NHSL3: variants seen among roughly 807,000 people sequenced by gnomAD.
NHSL3 encodes the protein NHS like 3.
the NHSL3 span, among the ~76,000 whole-genome samples, chr1:32,745,853 C>T: frequency 2.6e-5 from 4 of 151,906 alleles, no homozygotes; most frequent in East Asian, 3.9e-4. Context: ...GAAAACAGCC[C>T]ATGATGATGA....
At chr1:32,771,058 T>G in the NHSL3 span, 1 of 1,611,948 alleles carries the variant, frequency 6.2e-7, no homozygotes, top group Non-Finnish European at 8.5e-7. Context: ...GGCCTCCGTC[T>G]CCTCTTCCCT....
At chr1:32,753,958 T>G in the NHSL3 span, 6 of 308,742 alleles carry the variant, frequency 1.9e-5, no homozygotes, top group Non-Finnish European at 3.7e-5. Flanking sequence ...CTCGGGGGCG[T>G]GGTCGAGCTG....
the NHSL3 span, among the ~76,000 whole-genome samples, chr1:32,756,501 TA>T: frequency 1.8e-5 from 1 of 56,598 alleles, no homozygotes; most frequent in South Asian, 5.9e-4. Context: ...CTACAAGAAA[TA>T]AAACAGTATC....
the NHSL3 span, chr1:32,767,969 C>T: frequency 6.2e-7 from 1 of 1,612,072 alleles, no homozygotes; most frequent in Non-Finnish European, 8.5e-7. Context: ...TAAGCTTCCT[C>T]TCCACTCCCC....
chr1:32,769,728 T>G, the NHSL3 span: 3 of 1,613,674 alleles, frequency 1.9e-6, no homozygotes, highest in South Asian at 1.1e-5. Flanking sequence ...CAGGGCGGCG[T>G]CGGCGGGAGC....
the NHSL3 span, among the ~76,000 whole-genome samples, chr1:32,749,356 C>T: frequency 6.6e-6 from 1 of 152,160 alleles, no homozygotes; most frequent in Non-Finnish European, 1.5e-5. Context: ...ACTCTTCCCT[C>T]TGCCCTGGCC....
the NHSL3 span, among the ~76,000 whole-genome samples, chr1:32,755,851 GTC>G: frequency 6.6e-6 from 1 of 152,180 alleles, no homozygotes; most frequent in African/African-American, 2.4e-5. Flanking sequence ...GTGCCTACCT[GTC>G]TCTCCTAGAA....
At chr1:32,756,482 C>CA in the NHSL3 span, among the ~76,000 whole-genome samples, 1 of 115,356 alleles carries the variant, frequency 8.7e-6, no homozygotes, top group Non-Finnish European at 1.9e-5. Flanking sequence ...CCCCCCCCCC[C>CA]GCCCATTTCT....
At chr1:32,752,972 G>GC in the NHSL3 span, among the ~76,000 whole-genome samples, 2 of 85,420 alleles carry the variant, frequency 2.3e-5, no homozygotes, top group Admixed American at 2.6e-4. Context: ...TATATATTTT[G>GC]GTTTTTTTTT....
the NHSL3 span, chr1:32,767,856 A>T: frequency 6.2e-6 from 10 of 1,613,814 alleles, no homozygotes; most frequent in Admixed American, 1.0e-4. Context: ...TCTGCAGTGG[A>T]TGAGCACCAG....
the NHSL3 span, among the ~76,000 whole-genome samples, chr1:32,755,094 G>A: frequency 6.6e-6 from 1 of 152,192 alleles, no homozygotes; most frequent in African/African-American, 2.4e-5. Flanking sequence ...CCAATCCCAA[G>A]AGATGGGATT....
chr1:32,755,369 C>G, the NHSL3 span, among the ~76,000 whole-genome samples: 4 of 152,166 alleles, frequency 2.6e-5, no homozygotes, highest in Non-Finnish European at 5.9e-5. Flanking sequence ...GGTGTATTCC[C>G]AGGATGGCCC....
the NHSL3 span, among the ~76,000 whole-genome samples, chr1:32,764,017 G>A: frequency 2.0e-5 from 3 of 152,042 alleles, no homozygotes; most frequent in East Asian, 1.9e-4. Flanking sequence ...GAGTCACCAC[G>A]CCTGGGTAAT....
the NHSL3 span, chr1:32,773,050 C>T: frequency 1.5e-6 from 1 of 681,412 alleles, no homozygotes; most frequent in Non-Finnish European, 2.6e-6. Context: ...CCTGGTGTTG[C>T]TCCTGTCCTC....
the NHSL3 span, chr1:32,768,682 A>G: frequency 3.1e-6 from 5 of 1,614,074 alleles, no homozygotes; most frequent in Non-Finnish European, 4.2e-6. Flanking sequence ...TGAAGACAAC[A>G]TCTCCTTCTG....
the NHSL3 span, chr1:32,769,863 C>T: frequency 5.0e-6 from 8 of 1,611,262 alleles, no homozygotes; most frequent in East Asian, 1.8e-4. Context: ...ACCCCACCTC[C>T]TCCCTGTCCC....
the NHSL3 span, among the ~76,000 whole-genome samples, chr1:32,763,357 T>C: frequency 1.3e-5 from 2 of 152,104 alleles, no homozygotes; most frequent in African/African-American, 2.4e-5. Flanking sequence ...ACCTGTCGCC[T>C]GCTCTCCTCT....
chr1:32,760,297 C>T, the NHSL3 span, among the ~76,000 whole-genome samples: 3 of 152,186 alleles, frequency 2.0e-5, no homozygotes, highest in Non-Finnish European at 2.9e-5. Flanking sequence ...GCTGTGGGCG[C>T]GCCACCACCC....
the NHSL3 span, among the ~76,000 whole-genome samples, chr1:32,751,823 A>G: frequency 6.6e-6 from 1 of 152,160 alleles, no homozygotes; most frequent in Non-Finnish European, 1.5e-5. Context: ...GAAGATTCTC[A>G]TCTCAGAGAT....
Sources: gnomAD v4.1 joint callset for allele counts (sites outside exome capture counted in the v4.1 genomes callset) on GRCh38, gnomAD v4.1.1 for gene constraint, MANE v1.5 for transcripts, NCBI Gene and HGNC (gene_info 2026-07-23, HGNC 2026-07-21) for gene names.